Variants in SEPHS1 observed in about 807,000 individuals in gnomAD.
The protein encoded by SEPHS1 is selenophosphate synthetase 1.
SEPHS1 carries 7 observed loss-of-function variants against 39.2 expected under a neutral mutation model. The ratio of observed to expected loss-of-function variants is 0.18; its 90% CI spans 0.10 to 0.34. The LOEUF is 0.34. Ranked by LOEUF, SEPHS1 falls within the 10% of genes least tolerant of loss-of-function variation. SEPHS1 has a pLI of 1.00. For synonymous variants in SEPHS1, 190 were observed against 195.5 expected, an observed-to-expected ratio of 0.97 and a Z score of 0.23; for missense variants, 253 against 514.5, an observed-to-expected ratio of 0.49 and a Z score of 4.92.
At chr10:13,329,481 A>C (rs906738295) in intron 6 of SEPHS1, among the ~76,000 whole-genome samples, 5 of 152,192 alleles carry the variant, frequency 3.3e-5, no homozygotes, top group Non-Finnish European at 7.3e-5. Context: ...AAAAATCTTA[A>C]AGCTCCAAGC....
intron 2 of SEPHS1, among the ~76,000 whole-genome samples, chr10:13,341,478 T>C (rs1833782818): frequency 7.1e-6 from 1 of 140,154 alleles, no homozygotes; most frequent in Admixed American, 7.6e-5. Context: ...GCAGCAATCA[T>C]TACTTGATAG....
At chr10:13,322,136 C>T (rs914869735) in intron 8 of SEPHS1, 3 of 377,102 alleles carry the variant, frequency 8.0e-6, no homozygotes, top group Non-Finnish European at 9.8e-6. Flanking sequence ...CTGTATCATT[C>T]TCTTTTCTTT....
intron 5 of SEPHS1, among the ~76,000 whole-genome samples, chr10:13,333,432 CTTGCGTTCTTGTCTTTTTTT>C (rs1833528137): frequency 1.3e-5 from 2 of 149,948 alleles, no homozygotes; most frequent in African/African-American, 4.9e-5. Flanking sequence ...CGCGCCCAGC[CTTGCGTTCTTGTCTTTTTTT>C]TTTTTGGAGA....
At chr10:13,321,802 C>T (rs1034957037) in intron 8 of SEPHS1, among the ~76,000 whole-genome samples, 4 of 152,346 alleles carry the variant, frequency 2.6e-5, no homozygotes, top group Non-Finnish European at 4.4e-5. Flanking sequence ...CCTCGGCGGC[C>T]GGCAGGCCAT....
intron 1 of SEPHS1, among the ~76,000 whole-genome samples, chr10:13,346,690 G>A (rs1202447378): frequency 6.6e-6 from 1 of 151,368 alleles, no homozygotes. Context: ...AAAACACCTC[G>A]CATTTAACAC....
intron 4 of SEPHS1, 151 bp downstream of exon 4, chr10:13,336,092 G>A (rs1439250891): frequency 1.1e-5 from 6 of 532,602 alleles, no homozygotes; most frequent in South Asian, 9.5e-5. Context: ...TAATTTACTG[G>A]TAACTGCCAA....
rs780407181 is a variant in SEPHS1, at chr10:13,333,809, C to T, written c.560+8G>A. 16 of 1,611,890 alleles carry T rather than the reference C, an allele frequency of 9.9e-6. No individual in the cohort carries two copies. Among genetic ancestry groups the T allele is most frequent in the Non-Finnish European group, 6.8e-6 (8 of 1,179,550 alleles). ...AGGTCAGGTGATATGAAACAAAAAT[C>T]AACTTACATGATAAATTCATTGGGT... On this transcript the variant is annotated splice_region_variant and intron_variant, in intron 5 of 8. Coordinates refer to ENST00000327347, the MANE Select transcript of SEPHS1 (RefSeq NM_012247.5).
chr10:13,342,168 G>A (rs1186358602), intron 2 of SEPHS1, among the ~76,000 whole-genome samples: 2 of 151,952 alleles, frequency 1.3e-5, no homozygotes, highest in African/African-American at 4.8e-5. Context: ...TCGGGAGGCT[G>A]AGGCAGGAGG....
Position 13,317,608 on chromosome 10 carries a change from T to A in SEPHS1, c.*1534A>T, listed in dbSNP as rs1002847113. The A allele has an allele frequency of 1.1e-4, 17 of 152,232 alleles. No homozygotes were observed. The highest frequency in any genetic ancestry group is 4.1e-4 in the African/African-American group (17 of 41,454). The allele number at this position is 152,232 out of a possible 1,614,324, so 9.4% of individuals were successfully genotyped here. The stretch of plus-strand genomic sequence containing the variant: ...GGTCCAGTTACACATGCATGAAGGC[T>A]GCCCTGCCCACTGGTTCCTGGAGGA... On this transcript the variant is annotated 3_prime_UTR_variant, in exon 9 of 9. Coordinates refer to ENST00000327347, the MANE Select transcript of SEPHS1 (RefSeq NM_012247.5).
intron 2 of SEPHS1, among the ~76,000 whole-genome samples, chr10:13,340,194 C>A (rs1243603821): frequency 6.6e-6 from 1 of 152,142 alleles, no homozygotes; most frequent in South Asian, 2.1e-4. Context: ...GGCACCAGAT[C>A]TTTCCTGCTG....
chr10:13,333,445 CTTTT>C, intron 5 of SEPHS1, among the ~76,000 whole-genome samples: 1 of 134,440 alleles, frequency 7.4e-6, no homozygotes, highest in South Asian at 2.4e-4. Flanking sequence ...GCGTTCTTGT[CTTTT>C]TTTTTTTTGG....
At chr10:13,326,078 C>T (rs990251527) in intron 7 of SEPHS1, among the ~76,000 whole-genome samples, 2 of 151,940 alleles carry the variant, frequency 1.3e-5, no homozygotes, top group South Asian at 4.1e-4. Flanking sequence ...GGTATAAGAT[C>T]TGCATCCAGA....
At chr10:13,331,990 T>C (rs899147061) in intron 5 of SEPHS1, among the ~76,000 whole-genome samples, 1 of 152,224 alleles carries the variant, frequency 6.6e-6, no homozygotes, top group Non-Finnish European at 1.5e-5. Flanking sequence ...AGTCTGATGA[T>C]TCCTCAAGTT....
At chr10:13,320,330 C>T (rs926238441) in intron 8 of SEPHS1, among the ~76,000 whole-genome samples, 9 of 151,746 alleles carry the variant, frequency 5.9e-5, no homozygotes, top group East Asian at 3.9e-4. Flanking sequence ...TACAGGCGCC[C>T]GCCACCACAC....
In SEPHS1 at chr10:13,322,830, T is replaced by A; in HGVS notation, c.964+5A>T. 1 of 1,612,460 alleles carries A rather than the reference T, an allele frequency of 6.2e-7. No individual in the cohort carries two copies. The highest frequency in any genetic ancestry group is 8.5e-7 in the Non-Finnish European group (1 of 1,179,648). ...TAGTCCTCAGATGCGCCCAGCATCC[T>A]GTACCTGAAGTCTCCGGGCAGGTCC... On this transcript the variant is annotated splice_donor_5th_base_variant and intron_variant, in intron 8 of 8. Coordinates refer to ENST00000327347, the MANE Select transcript of SEPHS1 (RefSeq NM_012247.5).
intron 7 of SEPHS1, among the ~76,000 whole-genome samples, chr10:13,323,767 A>T (rs1167532464): frequency 7.3e-5 from 11 of 150,086 alleles, no homozygotes; most frequent in Non-Finnish European, 3.0e-5. Flanking sequence ...TAAGAGACAG[A>T]GTCTTGCTCT....
chr10:13,327,847 A>G (rs181289555), intron 7 of SEPHS1, among the ~76,000 whole-genome samples: 1 of 152,348 alleles, frequency 6.6e-6, no homozygotes, highest in Admixed American at 6.5e-5. Flanking sequence ...AATGGTGAAC[A>G]AAACAAGTAA....
chr10:13,335,001 C>T (rs1260426971), intron 4 of SEPHS1, among the ~76,000 whole-genome samples: 2 of 152,182 alleles, frequency 1.3e-5, no homozygotes, highest in African/African-American at 2.4e-5. Context: ...ACAGAGCCTG[C>T]GCCAAGACCA....
At chr10:13,333,767 G>A (rs753620895) in intron 5 of SEPHS1, 50 bp downstream of exon 5, 3 of 1,582,486 alleles carry the variant, frequency 1.9e-6, no homozygotes, top group Non-Finnish European at 2.6e-6. Context: ...AAAAAGAGAG[G>A]ACAGAGAGAG....
Sources: gnomAD v4.1 joint callset for allele counts (sites outside exome capture counted in the v4.1 genomes callset) on GRCh38, gnomAD v4.1.1 for gene constraint, MANE v1.5 for transcripts, NCBI Gene and HGNC (gene_info 2026-07-23, HGNC 2026-07-21) for gene names.